DIP2B: variants seen among roughly 807,000 people sequenced by gnomAD.
DIP2B encodes the protein DIP2 acetate--CoA ligase B (putative), also known as disco-interacting protein 2 homolog B.
DIP2B carries 76 observed loss-of-function variants against 198.0 expected under a neutral mutation model. The ratio of observed to expected loss-of-function variants is 0.38; its 90% confidence interval spans 0.32 to 0.46. The LOEUF is 0.46. DIP2B is among the 20% of genes least tolerant of loss of function. DIP2B has a pLI of 0.99. For synonymous variants in DIP2B, 701 were observed against 739.1 expected, an observed-to-expected ratio of 0.95 and a Z score of 0.84; for missense variants, 1,559 against 1,978.4, an observed-to-expected ratio of 0.79 and a Z score of 4.02.
intron 2 of DIP2B, among the ~76,000 whole-genome samples, chr12:50,629,977 T>C (rs1279740144): frequency 1.3e-5 from 2 of 149,502 alleles, no homozygotes; most frequent in African/African-American, 4.9e-5. Flanking sequence ...AATGAGACAG[T>C]CCTTGCTCTG....
At chr12:50,550,860 A>G (rs1442592279) in intron 1 of DIP2B, among the ~76,000 whole-genome samples, 3 of 152,198 alleles carry the variant, frequency 2.0e-5, no homozygotes, top group Admixed American at 6.6e-5. Flanking sequence ...ACAGTGGCTC[A>G]CGTTTATAAT....
At chr12:50,550,441 A>T (rs915534219) in intron 1 of DIP2B, among the ~76,000 whole-genome samples, 3 of 152,050 alleles carry the variant, frequency 2.0e-5, no homozygotes, top group Non-Finnish European at 4.4e-5. Flanking sequence ...GAACGATTAG[A>T]CTCTAAGATA....
intron 1 of DIP2B, among the ~76,000 whole-genome samples, chr12:50,602,787 AGGT>A (rs558053851): frequency 7.6e-4 from 109 of 143,754 alleles, no homozygotes; most frequent in African/African-American, 2.4e-3. Context: ...TGAACCTGAG[AGGT>A]GGAGGTTGCA....
At position 50,562,242 on chromosome 12, in the gene DIP2B, C is replaced by A. The variant is rs527968333; in HGVS notation, c.100+57002C>A. On this transcript the variant is annotated intron_variant, in intron 1 of 37. Transcript: ENST00000301180. The stretch of plus-strand genomic sequence containing the variant: ...TAGCAAGTCTTAGATAATGGTAATA[C>A]CTGATTCTAGAATACAGAAGGTTAT... Among the ~76,000 whole-genome samples the A allele has an allele frequency of 2.1e-4, 32 of 152,068 alleles. No individual in the cohort carries two copies. In the South Asian group the frequency reaches 6.5e-3, roughly 31 times the overall value.
chr12:50,735,265 C>A, intron 34 of DIP2B, 135 bp downstream of exon 34: 4 of 929,240 alleles, frequency 4.3e-6, no homozygotes, highest in Non-Finnish European at 6.8e-6. Context: ...TTCAGCTTGG[C>A]TAATACTTTC....
chr12:50,733,579 C>T (rs931562869), intron 32 of DIP2B, among the ~76,000 whole-genome samples: 2 of 152,148 alleles, frequency 1.3e-5, no homozygotes, highest in Non-Finnish European at 2.9e-5. Context: ...TGGTACATGC[C>T]TCTAGTCCCA....
chr12:50,704,607 G>A (rs1939480892), intron 20 of DIP2B, among the ~76,000 whole-genome samples: 1 of 152,108 alleles, frequency 6.6e-6, no homozygotes, highest in African/African-American at 2.4e-5. Context: ...ATAATACATA[G>A]TATACAGAGC....
intron 1 of DIP2B, among the ~76,000 whole-genome samples, chr12:50,537,146 A>T (rs1181184123): frequency 2.9e-5 from 1 of 34,382 alleles, no homozygotes; most frequent in Non-Finnish European, 4.6e-5. Flanking sequence ...TTTTTTGTAG[A>T]GACAGGGTCT....
intron 1 of DIP2B, among the ~76,000 whole-genome samples, chr12:50,533,243 A>G (rs1007554550): frequency 6.6e-6 from 1 of 152,238 alleles, no homozygotes; most frequent in East Asian, 1.9e-4. Context: ...ATCAAATTCA[A>G]GACTACATAT....
In DIP2B at chr12:50,719,052, G is replaced by T; in HGVS notation, c.3042+17G>T. The T allele has an allele frequency of 6.2e-7, 1 of 1,612,596 alleles. No individual in the cohort carries two copies. The highest frequency in any genetic ancestry group is 8.5e-7 in the Non-Finnish European group (1 of 1,179,228). ...AATGCCAAGGTATTAAAAATTCAAT[G>T]GTATATCTAATCAGCTGACTACTAT... On this transcript the variant is annotated intron_variant, in intron 25 of 37. Transcript: ENST00000301180.
At chr12:50,601,165 C>T (rs955541978) in intron 1 of DIP2B, among the ~76,000 whole-genome samples, 7 of 152,178 alleles carry the variant, frequency 4.6e-5, no homozygotes, top group Non-Finnish European at 5.9e-5. Flanking sequence ...TGCTTTGGCA[C>T]ATCCCAAGTG....
intron 1 of DIP2B, among the ~76,000 whole-genome samples, chr12:50,595,852 C>T (rs1282399243): frequency 6.6e-6 from 1 of 152,156 alleles, no homozygotes; most frequent in East Asian, 1.9e-4. Context: ...CACGTGACCT[C>T]CTGGGAATAT....
intron 26 of DIP2B, 133 bp from the exon 27 acceptor site, chr12:50,723,069 G>T: frequency 9.9e-7 from 1 of 1,011,832 alleles, no homozygotes. Context: ...TCTTCTGCTA[G>T]GGTCTTTGTT....
chr12:50,608,935 A>G (rs984343437), intron 1 of DIP2B, among the ~76,000 whole-genome samples: 9 of 152,162 alleles, frequency 5.9e-5, no homozygotes, highest in Admixed American at 2.0e-4. Flanking sequence ...TGAGGTCAGG[A>G]GTTCGAGACC....
At chr12:50,631,808 C>T (rs914295055) in intron 2 of DIP2B, among the ~76,000 whole-genome samples, 1 of 152,100 alleles carries the variant, frequency 6.6e-6, no homozygotes, top group African/African-American at 2.4e-5. Context: ...TAAATTCTTT[C>T]ATTTTGTGTT....
At chr12:50,522,468 T>A (rs1958129105) in intron 1 of DIP2B, among the ~76,000 whole-genome samples, 1 of 152,100 alleles carries the variant, frequency 6.6e-6, no homozygotes, top group Admixed American at 6.6e-5. Context: ...CACACATACA[T>A]ACACACACTC....
At position 50,739,475 on chromosome 12, in the gene DIP2B, G is replaced by C. The variant is rs1940200391; in HGVS notation, c.4243G>C (p.Ala1415Pro). ...YTIYDSETLQ[A>P]DHFNTRLSFG... is the part of the protein sequence containing the mutation. ...CATCTATGATAGCGAGACTCTTCAAGCTGATCATTTCAACACTCGCCTCAG... is the reference window on the plus strand; with the variant it reads ...CATCTATGATAGCGAGACTCTTCAACCTGATCATTTCAACACTCGCCTCAG... Residue 1415 changes from alanine to proline, a missense_variant, in exon 36 of 38, where the codon GCT becomes CCT. Transcript: ENST00000301180. 1 of 1,614,188 alleles carries C rather than the reference G, an allele frequency of 6.2e-7. No homozygotes were observed. The highest frequency in any genetic ancestry group is 8.5e-7 in the Non-Finnish European group (1 of 1,180,030).
intron 21 of DIP2B, among the ~76,000 whole-genome samples, chr12:50,706,923 T>A (rs1939524306): frequency 6.6e-6 from 1 of 152,184 alleles, no homozygotes; most frequent in African/African-American, 2.4e-5. Context: ...CAGATTTAAC[T>A]TCAGATTTGT....
At chr12:50,625,455 G>T (rs1051514140) in intron 1 of DIP2B, among the ~76,000 whole-genome samples, 1 of 152,212 alleles carries the variant, frequency 6.6e-6, no homozygotes, top group Admixed American at 6.5e-5. Flanking sequence ...CCAAGGGGAG[G>T]GGATGTGGGA....
Sources: gnomAD v4.1 joint callset for allele counts (sites outside exome capture counted in the v4.1 genomes callset) on GRCh38, gnomAD v4.1.1 for gene constraint, MANE v1.5 for transcripts, NCBI Gene and HGNC (gene_info 2026-07-23, HGNC 2026-07-21) for gene names.